The following DSP variants were observed in gnomAD, a reference collection of about 807,000 sequenced individuals.
DSP encodes 250/210 kDa paraneoplastic pemphigus antigen.
DSP carries 114 observed loss-of-function variants against 290.6 expected under a neutral mutation model. That is an observed-to-expected ratio of 0.39 (90% CI 0.34 to 0.46). The LOEUF is 0.46. DSP is among the 20% of genes least tolerant of loss of function. DSP has a pLI of 0.99. For missense variants in DSP, 3,230 were observed against 3,495.8 expected, an observed-to-expected ratio of 0.92 and a Z score of 1.92; for synonymous variants, 1,311 against 1,316.4, an observed-to-expected ratio of 1.00 and a Z score of 0.09.
chr6:7,585,997 C>A lies in DSP; in HGVS notation c.*119C>A. On this transcript the variant is annotated 3_prime_UTR_variant, in exon 24 of 24. Coordinates refer to ENST00000379802, the MANE Select transcript of DSP (RefSeq NM_004415.4). Reference sequence around the variant, plus strand: ...AGAGTGATAGGACATTCTATGCTTACAGAAAATATAGCCATGATTGAAATC... The same window carrying A: ...AGAGTGATAGGACATTCTATGCTTAAAGAAAATATAGCCATGATTGAAATC... 1 of 1,032,058 alleles carries A rather than the reference C, an allele frequency of 9.7e-7. No homozygotes were observed. The highest frequency in any genetic ancestry group is 1.5e-6 in the Non-Finnish European group (1 of 686,922). The allele number at this position is 1,032,058 out of a possible 1,614,324, so 63.9% of individuals were successfully genotyped here. A position where few individuals can be genotyped will look rare whatever the true frequency, so the allele number is the denominator to read the frequency against.
At position 7,558,217 on chromosome 6, in the gene DSP, C is replaced by T; in HGVS notation, c.375C>T (p.Ile125=). The T allele has an allele frequency of 6.2e-7, 1 of 1,614,180 alleles. No homozygotes were observed. Among genetic ancestry groups the T allele is most frequent in the Non-Finnish European group, 8.5e-7 (1 of 1,180,032 alleles). The part of the protein sequence containing the change: ...NDQMEILDSL[I]REMRQMGQPC... ...AAATGGAAATCCTCGACAGCTTGAT[C>T]AGAGAGATGCGGCAGATGGGCCAGC... is the stretch of plus-strand genomic sequence containing the variant. The change falls in exon 3 of 24, where the codon ATC becomes ATT. Residue 125 remains isoleucine (I), a synonymous_variant. Coordinates refer to ENST00000379802, the MANE Select transcript of DSP (RefSeq NM_004415.4).
In DSP at chr6:7,582,956, G is replaced by A; in HGVS notation, c.5694G>A (p.Glu1898=). Residue 1898 remains glutamate (E), a synonymous_variant, in exon 24 of 24, where the codon GAG becomes GAA. Transcript: ENST00000379802. This position sits in a 1 kb window ranked among gnomAD's most constrained non-coding sequence, Gnocchi z 4.2. ...SEREKNSLRS[E]IERLQAEIKR... ...GAGAGAAGAACAGTCTTAGGAGTGA[G>A]ATCGAAAGACTCCAAGCAGAGATCA... The A allele has an allele frequency of 6.2e-7, 1 of 1,614,100 alleles. No homozygotes were observed. Among genetic ancestry groups the A allele is most frequent in the South Asian group, 1.1e-5 (1 of 91,082 alleles).
intron 6 of DSP, among the ~76,000 whole-genome samples, chr6:7,564,564 G>A (rs1157466114): frequency 1.3e-5 from 2 of 151,938 alleles, no homozygotes; most frequent in African/African-American, 4.8e-5. Flanking sequence ...ATTATTGATG[G>A]GTACAAAAAT....
Position 7,584,778 on chromosome 6 carries a change from A to G in DSP, c.7516A>G (p.Ile2506Val). ...TGAGCAGGAATGTGAATGGGAAGAA[A>G]TAACCATCACGGGATCAGATGGCTC... ...LCEQECEWEE[I>V]TITGSDGSTR... Residue 2506 changes from isoleucine (I) to valine (V), a missense_variant, in exon 24 of 24, where the codon ATA becomes GTA. By Grantham distance (29) the Ile-to-Val change is conservative (BLOSUM62 3). This residue lies in a region of DSP where 582 missense variants were observed against 555.4 expected (regional missense o/e 1.05). Coordinates refer to ENST00000379802, the MANE Select transcript of DSP (RefSeq NM_004415.4). This position sits in a 1 kb window ranked among gnomAD's most constrained non-coding sequence, Gnocchi z 6.4. The G allele has an allele frequency of 6.2e-7, 1 of 1,614,266 alleles. No individual in the cohort carries two copies. Among genetic ancestry groups the G allele is most frequent in the East Asian group, 2.2e-5 (1 of 44,888 alleles).
In DSP at chr6:7,565,273, G is replaced by A; in HGVS notation, c.778-86G>A. On this transcript the variant is annotated intron_variant, in intron 6 of 23. Transcript: ENST00000379802. The surrounding 1 kb of genome is among the most constrained non-coding windows in gnomAD (Gnocchi z 4.2). ...ATCCGTGTGATTTTTTTTTTAAAGG[G>A]ACCACAGGTTTAATCTTTAAACCTG... 6.5e-7 allele frequency: 1 copy of A among 1,537,554 alleles called. No homozygotes were observed. Among genetic ancestry groups the A allele is most frequent in the East Asian group, 2.2e-5 (1 of 44,484 alleles).
At chr6:7,578,620 T>G in intron 22 of DSP, 58 bp downstream of exon 22, 1 of 1,294,620 alleles carries the variant, frequency 7.7e-7, no homozygotes. Flanking sequence ...AGAACCTTAT[T>G]ATTACTTCCA....
rs374262024 is a variant in DSP at position 7,583,980 on chromosome 6, C to A, written c.6718C>A (p.Gln2240Lys). ...CACTGTCAATGAACTGGAATCTGGTCAGATTTCTTATGACGAGGTTGGTGA... is the reference window on the plus strand; with the variant it reads ...CACTGTCAATGAACTGGAATCTGGTAAGATTTCTTATGACGAGGTTGGTGA... ...PSTVNELESG[Q>K]ISYDEVGERI... Residue 2240 changes from glutamine (Q) to lysine (K), a missense_variant, in exon 24 of 24, where the codon CAG becomes AAG. Gln to Lys is a moderately conservative substitution (Grantham distance 53). Around this residue, in one of 5 missense-constraint regions of DSP, gnomAD observed 207 missense variants for 281.2 expected, o/e 0.74. Transcript: ENST00000379802. The surrounding 1 kb of genome is among the most constrained non-coding windows in gnomAD (Gnocchi z 4.0). 7 of 1,613,982 alleles carry A rather than the reference C, an allele frequency of 4.3e-6. No individual in the cohort carries two copies. The highest frequency in any genetic ancestry group is 2.2e-5 in the South Asian group (2 of 91,008).
chr6:7,567,279 G>T, intron 8 of DSP, 75 bp from the exon 9 acceptor site: 4 of 1,163,286 alleles, frequency 3.4e-6, no homozygotes, highest in Non-Finnish European at 5.2e-6. Flanking sequence ...TTTCATGCAG[G>T]CTCACCTATC....
chr6:7,579,203 G>A lies in DSP; in HGVS notation c.3085-72G>A, dbSNP rs6905839. ...TAAGAATGCACATTGGTCTGGGAGGGGAAAAGTACTGCTTCTTTCTTGGAA... is the reference window on the plus strand; with the variant it reads ...TAAGAATGCACATTGGTCTGGGAGGAGAAAAGTACTGCTTCTTTCTTGGAA... On this transcript the variant is annotated intron_variant, in intron 22 of 23. Transcript: ENST00000379802. The surrounding 1 kb of genome is among the most constrained non-coding windows in gnomAD (Gnocchi z 4.1). The A allele has an allele frequency of 0.068, 108,034 of 1,580,764 alleles. 7,774 individuals are homozygous for A. Among genetic ancestry groups the A allele is most frequent in the East Asian group, 0.28 (12,266 of 43,578 alleles).
intron 19 of DSP, 74 bp downstream of exon 19, chr6:7,576,530 G>GT: frequency 6.4e-7 from 1 of 1,566,610 alleles, no homozygotes; most frequent in East Asian, 2.2e-5. Context: ...TCTGGTTTTT[G>GT]TATCAGTGCC....
In DSP at chr6:7,584,581, G is replaced by A; in HGVS notation, c.7319G>A (p.Gly2440Glu). 6.2e-7 allele frequency: 1 copy of A among 1,613,912 alleles called. No homozygotes were observed. The highest frequency in any genetic ancestry group is 1.1e-5 in the South Asian group (1 of 91,072). Residue 2440 changes from glycine (G) to glutamate (E), a missense_variant, in exon 24 of 24, where the codon GGG becomes GAG. By Grantham distance (98) the Gly-to-Glu change is moderately conservative. Transcript: ENST00000379802. This position sits in a 1 kb window ranked among gnomAD's most constrained non-coding sequence, Gnocchi z 6.4. ...KERCIKDEET[G>E]LCLLPLKEKK... ...AGATGCATTAAGGATGAGGAAACAG[G>A]GCTCTGTCTTCTGCCTCTGAAAGAA...
Position 7,582,872 on chromosome 6 carries a change from A to G in DSP, c.5610A>G (p.Gln1870=), listed in dbSNP as rs777420903. Residue 1870 remains glutamine (Q), a synonymous_variant, in exon 24 of 24, where the codon CAA becomes CAG. Coordinates refer to ENST00000379802, the MANE Select transcript of DSP (RefSeq NM_004415.4). The surrounding 1 kb of genome is among the most constrained non-coding windows in gnomAD (Gnocchi z 4.2). ...IQNDLNQWKT[Q]YSRKEEAIRK... ...ATGACCTGAATCAGTGGAAGACTCA[A>G]TATTCCCGCAAGGAGGAGGCTATTA... The G allele has an allele frequency of 4.3e-6, 7 of 1,614,182 alleles. No individual in the cohort carries two copies. The Admixed American group carries it at 1.0e-4, about 23-fold the overall frequency.
At chr6:7,550,171 C>T (rs746195950) in intron 1 of DSP, among the ~76,000 whole-genome samples, 3 of 151,904 alleles carry the variant, frequency 2.0e-5, no homozygotes, top group African/African-American at 7.3e-5. Flanking sequence ...CTCAGCCTCC[C>T]GAGTAGCTGG....
At position 7,563,728 on chromosome 6, in the gene DSP, T is replaced by C; in HGVS notation, c.727-8T>C. 1.2e-6 allele frequency: 2 copies of C among 1,612,780 alleles called. No individual in the cohort carries two copies. Among genetic ancestry groups the C allele is most frequent in the Non-Finnish European group, 1.7e-6 (2 of 1,178,724 alleles). ...ATTTATATCTACCTGCTTTTTGTTG[T>C]CTTCTAGCGCGAGAAATCTGCGATC... On this transcript the variant is annotated splice_polypyrimidine_tract_variant and splice_region_variant and intron_variant, in intron 5 of 23. Transcript: ENST00000379802.
chr6:7,581,376 T>G lies in DSP; in HGVS notation c.5186T>G (p.Leu1729Arg), dbSNP rs377344768. 12 of 1,614,068 alleles carry G rather than the reference T, an allele frequency of 7.4e-6. No homozygotes were observed. The highest frequency in any genetic ancestry group is 1.0e-5 in the Non-Finnish European group (12 of 1,180,036). The stretch of plus-strand genomic sequence containing the variant: ...GAAGAAGAACTGCGGAACCTGAGGC[T>G]GGAGTACGATGACCTGAGGAGAGGA... ...MLEEELRNLR[L>R]EYDDLRRGRS... The change falls in exon 23 of 24, where the codon CTG (leucine) becomes CGG (arginine). Residue 1729 changes from leucine to arginine, a missense_variant. Leu to Arg is a moderately radical substitution (Grantham distance 102). Coordinates refer to ENST00000379802, the MANE Select transcript of DSP (RefSeq NM_004415.4).
In DSP at chr6:7,581,493, G is replaced by A; in HGVS notation, c.5303G>A (p.Gly1768Glu). 3.1e-6 allele frequency: 5 copies of A among 1,613,920 alleles called. No homozygotes were observed. The highest frequency in any genetic ancestry group is 3.4e-6 in the Non-Finnish European group (4 of 1,179,992). ...ISNNRTLELQ[G>E]LINDLQRERE... ...AACAACCGGACCCTGGAACTGCAGG[G>A]GCTGATTAATGATTTACAGAGAGAG... Residue 1768 changes from glycine (G) to glutamate (E), a missense_variant, in exon 23 of 24, where the codon GGG becomes GAG. This residue lies in a region of DSP where 1,714 missense variants were observed against 1,844.5 expected (regional missense o/e 0.93). Transcript: ENST00000379802.
rs1378393842 is a variant in DSP, at chr6:7,565,622, A to G, written c.939+102A>G. ...TGGTCTATTAATAATTTAATCAGCC[A>G]CTTGCAATTCAGCCTTCTTTGAAAT... On this transcript the variant is annotated intron_variant, in intron 7 of 23. Coordinates refer to ENST00000379802, the MANE Select transcript of DSP (RefSeq NM_004415.4). The surrounding 1 kb of genome is among the most constrained non-coding windows in gnomAD (Gnocchi z 4.2). 1.4e-6 allele frequency: 2 copies of G among 1,461,442 alleles called. No individual in the cohort carries two copies. The highest frequency in any genetic ancestry group is 2.3e-4 in the Middle Eastern group (1 of 4,282). The allele number at this position is 1,461,442 out of a possible 1,614,324, so 90.5% of individuals were successfully genotyped here. A position where few individuals can be genotyped will look rare whatever the true frequency, so the allele number is the denominator to read the frequency against.
chr6:7,578,682 G>A (rs1055073285), intron 22 of DSP, 120 bp downstream of exon 22: 29 of 831,404 alleles, frequency 3.5e-5, no homozygotes, highest in Non-Finnish European at 5.4e-5. Flanking sequence ...TTCCTCTAAA[G>A]GTTTAGTGTA....
chr6:7,554,908 G>T (rs558334374), intron 1 of DSP, among the ~76,000 whole-genome samples: 1 of 152,204 alleles, frequency 6.6e-6, no homozygotes, highest in African/African-American at 2.4e-5. Flanking sequence ...GCCTGCCTTG[G>T]CTTCCCAAAG....
Sources: gnomAD v4.1 joint callset for allele counts (sites outside exome capture counted in the v4.1 genomes callset) on GRCh38, gnomAD v4.1.1 for gene constraint, gnomAD v4.1.1 regional missense constraint, Gnocchi (gnomAD v3.1) non-coding constraint, MANE v1.5 for transcripts, NCBI Gene and HGNC (gene_info 2026-07-23, HGNC 2026-07-21) for gene names.